CDH4: variants seen among roughly 807,000 people sequenced by gnomAD.
CDH4 encodes the protein cadherin 4, also known as cadherin-4.
A neutral mutation model predicts 86.0 loss-of-function variants in CDH4; 33 were observed. The observed-to-expected ratio is 0.38, with a 90% CI of 0.29 to 0.51. The LOEUF (loss-of-function observed/expected upper bound fraction) is 0.51, where lower values mean the gene tolerates loss of function less well. Ranked by LOEUF, CDH4 falls within the 20% of genes least tolerant of loss-of-function variation. CDH4 has a pLI of 0.86. For synonymous variants in CDH4, 555 were observed against 549.4 expected (o/e 1.01, Z -0.14); for missense variants, 1,114 against 1,307.4 (o/e 0.85, Z 2.28).
chr20:61,668,268 T>C (rs1241829845), intron 2 of CDH4, among the ~76,000 whole-genome samples: 4 of 152,226 alleles, frequency 2.6e-5, no homozygotes, highest in African/African-American at 9.6e-5. Flanking sequence ...TGTGTGCATG[T>C]GGGTGGATGT....
chr20:61,657,768 A>C (rs192146065), intron 2 of CDH4, among the ~76,000 whole-genome samples: 217 of 152,380 alleles, frequency 1.4e-3, no homozygotes, highest in Non-Finnish European at 1.8e-3. Context: ...TCGTAGTAAA[A>C]TGTGGAGCTA....
rs149123223 is a variant in CDH4 at position 61,281,408 on chromosome 20, C to T, written c.169+26471C>T. On this transcript the variant is annotated intron_variant, in intron 2 of 15. Transcript: ENST00000614565. ...GGAGACACAGCAGGAAGGCACCATC[C>T]GTGAACCAGGAATTGGGCCCTCACC... Among the ~76,000 whole-genome samples, 564 of 152,290 alleles carry T rather than the reference C, an allele frequency of 3.7e-3. 6 individuals carry two copies. Among genetic ancestry groups the T allele is most frequent in the African/African-American group, 0.013 (541 of 41,554 alleles).
At chr20:61,857,058 C>T (rs1300363060) in intron 6 of CDH4, among the ~76,000 whole-genome samples, 9 of 152,350 alleles carry the variant, frequency 5.9e-5, no homozygotes, top group African/African-American at 1.4e-4. Context: ...GTGAGGGGAG[C>T]GTGTCTTTCC....
intron 2 of CDH4, among the ~76,000 whole-genome samples, chr20:61,598,009 C>T (rs548560144): frequency 4.9e-4 from 75 of 152,318 alleles, no homozygotes; most frequent in African/African-American, 1.6e-3. Flanking sequence ...TAAAAAGCCC[C>T]TTTAGGGCTC....
Position 61,684,380 on chromosome 20 carries a change from C to T in CDH4, c.170-59183C>T, listed in dbSNP as rs1298508695. On this transcript the variant is annotated intron_variant, in intron 2 of 15. Transcript: ENST00000614565. This position sits in a 1 kb window ranked among gnomAD's most constrained non-coding sequence, Gnocchi z 4.5. ...GCGCGGAGCACGTGGCCTCAACCTC[C>T]GTCTTGCTTATGCTGGTTAAGTAGG... Among the ~76,000 whole-genome samples, 3 of 152,192 alleles carry T rather than the reference C, an allele frequency of 2.0e-5. No individual in the cohort carries two copies. Among genetic ancestry groups the T allele is most frequent in the Non-Finnish European group, 2.9e-5 (2 of 68,028 alleles).
intron 2 of CDH4, among the ~76,000 whole-genome samples, chr20:61,333,225 G>A (rs539232561): frequency 9.9e-5 from 15 of 151,796 alleles, no homozygotes; most frequent in East Asian, 3.9e-4. Context: ...GTGCAGACAC[G>A]CATGCACACA....
chr20:61,491,763 C>T (rs953557136), intron 2 of CDH4, among the ~76,000 whole-genome samples: 1 of 151,334 alleles, frequency 6.6e-6, no homozygotes, highest in Non-Finnish European at 1.5e-5. Context: ...ATGTTGGTGC[C>T]ATTGCTCTTG....
intron 2 of CDH4, among the ~76,000 whole-genome samples, chr20:61,523,893 A>C (rs1228987957): frequency 6.6e-6 from 1 of 152,128 alleles, no homozygotes; most frequent in Non-Finnish European, 1.5e-5. Context: ...ACAGTTTCTA[A>C]TGACTGTAGC....
intron 2 of CDH4, among the ~76,000 whole-genome samples, chr20:61,556,486 T>C (rs1021029414): frequency 3.9e-5 from 6 of 152,166 alleles, no homozygotes; most frequent in African/African-American, 1.4e-4. Context: ...GAAGGATCTT[T>C]TAAGAGAAAC....
chr20:61,600,904 A>G (rs1277790054), intron 2 of CDH4, among the ~76,000 whole-genome samples: 1 of 151,906 alleles, frequency 6.6e-6, no homozygotes, highest in African/African-American at 2.4e-5. Context: ...AGCCAGCTGT[A>G]TCTTACCATG....
chr20:61,760,851 G>GA (rs925065993), intron 3 of CDH4, among the ~76,000 whole-genome samples: 4 of 152,122 alleles, frequency 2.6e-5, no homozygotes, highest in African/African-American at 9.7e-5. Flanking sequence ...ATTGATGTAA[G>GA]AAAAAAATCC....
chr20:61,441,206 A>G (rs2145532229), intron 2 of CDH4, among the ~76,000 whole-genome samples: 1 of 152,340 alleles, frequency 6.6e-6, no homozygotes, highest in East Asian at 1.9e-4. Flanking sequence ...CATCCATGGC[A>G]GGAGCCAAAC....
At position 61,933,111 on chromosome 20, in the gene CDH4, G is replaced by GC; in HGVS notation, c.2367dup (p.Glu790ArgfsTer32). On this transcript the variant is annotated frameshift_variant, in exon 14 of 16. Coordinates refer to ENST00000614565, the MANE Select transcript of CDH4 (RefSeq NM_001794.5). LOFTEE classifies it high-confidence loss of function. ...CTCAAGTATGACGAGGAAGGCGGTG[G>GC]CGAGGAGGACCAGGTGAGACTGCGG... 1 of 1,612,930 alleles carries GC rather than the reference G, an allele frequency of 6.2e-7. No homozygotes were observed. The highest frequency in any genetic ancestry group is 8.5e-7 in the Non-Finnish European group (1 of 1,179,890).
chr20:61,269,549 C>T lies in CDH4; in HGVS notation c.169+14612C>T, dbSNP rs1403452311. The stretch of plus-strand genomic sequence containing the variant: ...TCCCTGTGTATGGAGGCACCAGGCT[C>T]TGGAAACACCAAGGCTTGCTGGCTT... On this transcript the variant is annotated intron_variant, in intron 2 of 15. Transcript: ENST00000614565. This position sits in a 1 kb window ranked among gnomAD's most constrained non-coding sequence, Gnocchi z 5.3. Among the ~76,000 whole-genome samples the T allele has an allele frequency of 6.6e-6, 1 of 152,114 alleles. No individual in the cohort carries two copies. The highest frequency in any genetic ancestry group is 2.4e-5 in the African/African-American group (1 of 41,400).
chr20:61,398,813 G>A (rs998100121), intron 2 of CDH4, among the ~76,000 whole-genome samples: 9 of 152,204 alleles, frequency 5.9e-5, no homozygotes, highest in Non-Finnish European at 1.2e-4. Flanking sequence ...TTGGCCTTGC[G>A]TCAGTCATTG....
At chr20:61,522,385 A>T (rs1333765884) in intron 2 of CDH4, among the ~76,000 whole-genome samples, 1 of 152,232 alleles carries the variant, frequency 6.6e-6, no homozygotes, top group Non-Finnish European at 1.5e-5. Flanking sequence ...CATGAGGAAT[A>T]GCCACTCGTG....
At chr20:61,355,622 C>T (rs1473481394) in intron 2 of CDH4, among the ~76,000 whole-genome samples, 1 of 152,216 alleles carries the variant, frequency 6.6e-6, no homozygotes, top group Admixed American at 6.5e-5. Context: ...ACAGAGGCAG[C>T]TTAAGACATA....
chr20:61,506,020 C>G (rs1302978010), intron 2 of CDH4, among the ~76,000 whole-genome samples: 1 of 152,162 alleles, frequency 6.6e-6, no homozygotes, highest in Non-Finnish European at 1.5e-5. Context: ...GCAGTTCACA[C>G]TGGATGGGAT....
chr20:61,499,307 G>A, intron 2 of CDH4: 2 of 453,692 alleles, frequency 4.4e-6, no homozygotes, highest in East Asian at 7.2e-5. Context: ...TGCTCACTCT[G>A]GCCAGGTACT....
Sources: allele counts gnomAD v4.1 joint callset (sites outside exome capture counted in the v4.1 genomes callset), GRCh38; gene constraint gnomAD v4.1.1; non-coding constraint Gnocchi (gnomAD v3.1); transcripts MANE v1.5; gene names NCBI Gene and HGNC (gene_info 2026-07-23, HGNC 2026-07-21).